CAMTA1: variants seen among roughly 807,000 people sequenced by gnomAD.
The protein encoded by CAMTA1 is calmodulin-binding transcription activator 1.
In CAMTA1, 27 loss-of-function variants were observed where a neutral mutation model predicts 170.9. That is an observed-to-expected ratio of 0.16 (90% CI 0.12 to 0.22). The LOEUF (loss-of-function observed/expected upper bound fraction) is 0.22. Ranked by LOEUF, CAMTA1 falls within the 10% of genes least tolerant of loss-of-function variation. The probability of loss-of-function intolerance (pLI) is 1.00; values close to 1 mark genes in which losing one functional copy is unlikely to be tolerated. For missense variants in CAMTA1, 1,619 were observed against 2,217.2 expected (o/e 0.73, Z 5.42); for synonymous variants, 833 against 891.5 (o/e 0.93, Z 1.17).
At chr1:7,227,054 C>T (rs145629305) in intron 4 of CAMTA1, among the ~76,000 whole-genome samples, 3 of 152,066 alleles carry the variant, frequency 2.0e-5, no homozygotes, top group African/African-American at 4.8e-5. Context: ...AGCATGGTCT[C>T]GATCTACTGA....
At chr1:7,722,002 T>C (rs1422270576) in intron 11 of CAMTA1, among the ~76,000 whole-genome samples, 5 of 152,014 alleles carry the variant, frequency 3.3e-5, no homozygotes, top group Non-Finnish European at 7.4e-5. Flanking sequence ...ACCAGGAAAA[T>C]TGATTAGATT....
intron 3 of CAMTA1, among the ~76,000 whole-genome samples, chr1:6,853,474 G>A (rs1185373352): frequency 6.6e-6 from 1 of 152,134 alleles, no homozygotes; most frequent in East Asian, 1.9e-4. Flanking sequence ...AACAGCAGTA[G>A]TAGTAGTAAA....
intron 1 of CAMTA1, among the ~76,000 whole-genome samples, chr1:6,808,988 A>G (rs1644853557): frequency 6.6e-6 from 1 of 151,464 alleles, no homozygotes; most frequent in Non-Finnish European, 1.5e-5. Context: ...TTTGGGGAGA[A>G]TGGCTGCAAA....
At chr1:7,140,322 ACT>A (rs1491124111) in intron 4 of CAMTA1, among the ~76,000 whole-genome samples, 1 of 152,188 alleles carries the variant, frequency 6.6e-6, no homozygotes, top group Non-Finnish European at 1.5e-5. Flanking sequence ...TAACATGGCA[ACT>A]TTTTTTTCCC....
At chr1:7,742,147 AC>A (rs2096823722) in intron 16 of CAMTA1, among the ~76,000 whole-genome samples, 1 of 152,060 alleles carries the variant, frequency 6.6e-6, no homozygotes, top group Non-Finnish European at 1.5e-5. Context: ...ATATATACAT[AC>A]AGTTTATCTA....
intron 3 of CAMTA1, among the ~76,000 whole-genome samples, chr1:6,928,722 A>G (rs920034130): frequency 6.6e-6 from 1 of 152,098 alleles, no homozygotes; most frequent in African/African-American, 2.4e-5. Context: ...TTCCATTATC[A>G]GGCCCGTCCT....
intron 5 of CAMTA1, among the ~76,000 whole-genome samples, chr1:7,386,522 G>A (rs551419342): frequency 2.0e-5 from 3 of 152,264 alleles, no homozygotes; most frequent in South Asian, 2.1e-4. Context: ...CCCACCCCAC[G>A]GTGGATGTTC....
Position 7,146,954 on chromosome 1 carries a change from TCAAA to T in CAMTA1, c.302+55586_302+55589del, listed in dbSNP as rs984344641. ...CACCATGTTCACACACATCACACAT[TCAAA>T]CATATGCCGTGCACACACACAGAAA... On this transcript the variant is annotated intron_variant, in intron 4 of 22. Transcript: ENST00000303635. The surrounding 1 kb of genome is among the most constrained non-coding windows in gnomAD (Gnocchi z 4.3). Among the ~76,000 whole-genome samples, 1 of 151,232 alleles carries T rather than the reference TCAAA, an allele frequency of 6.6e-6. No homozygotes were observed. Among genetic ancestry groups the T allele is most frequent in the African/African-American group, 2.4e-5 (1 of 41,076 alleles).
intron 6 of CAMTA1, among the ~76,000 whole-genome samples, chr1:7,587,714 G>A (rs1406554895): frequency 1.1e-4 from 17 of 151,946 alleles, no homozygotes; most frequent in Admixed American, 1.1e-3. Flanking sequence ...CAGACACCTG[G>A]GCTCCCCCGA....
At chr1:7,122,553 G>A (rs1008550705) in intron 4 of CAMTA1, among the ~76,000 whole-genome samples, 6 of 152,160 alleles carry the variant, frequency 3.9e-5, no homozygotes, top group African/African-American at 1.4e-4. Flanking sequence ...CACTTCGGGT[G>A]CCGTTCTGTC....
intron 3 of CAMTA1, among the ~76,000 whole-genome samples, chr1:6,860,248 C>T (rs951362117): frequency 2.0e-5 from 3 of 152,186 alleles, no homozygotes; most frequent in Admixed American, 6.5e-5. Context: ...TGGTCTTTCC[C>T]ACACCAGTAA....
intron 3 of CAMTA1, among the ~76,000 whole-genome samples, chr1:6,899,548 G>GCACACA (rs1161221003): frequency 1.2e-4 from 11 of 89,780 alleles, no homozygotes; most frequent in African/African-American, 3.5e-4. Context: ...ACGCGCACGC[G>GCACACA]CGCGCGCACA....
chr1:6,985,774 G>A (rs1278427793), intron 3 of CAMTA1, among the ~76,000 whole-genome samples: 2 of 152,226 alleles, frequency 1.3e-5, no homozygotes, highest in Non-Finnish European at 2.9e-5. Flanking sequence ...GAAGCCTTCA[G>A]ACGTGAACTA....
intron 3 of CAMTA1, among the ~76,000 whole-genome samples, chr1:6,858,969 T>C (rs1420344263): frequency 6.6e-6 from 1 of 152,214 alleles, no homozygotes; most frequent in Non-Finnish European, 1.5e-5. Context: ...CTTTTTGCCA[T>C]AGATTGCTGT....
rs1210354773 is a variant in CAMTA1, at chr1:7,356,663, GCTTGGCTCTGCAGGT to G, written c.438+107038_438+107052del. On this transcript the variant is annotated intron_variant, in intron 5 of 22. Coordinates refer to ENST00000303635, the MANE Select transcript of CAMTA1 (RefSeq NM_015215.4). ...CCCAGGGTCCCTCTAGCATGTCAGG[GCTTGGCTCTGCAGGT>G]ACCCAGCCTGCCCCATTCCTGGTGG... Among the ~76,000 whole-genome samples the G allele has an allele frequency of 5.6e-4, 86 of 152,286 alleles. 2 individuals are homozygous for G. Among genetic ancestry groups the G allele is most frequent in the African/African-American group, 2.0e-3 (84 of 41,576 alleles).
intron 6 of CAMTA1, among the ~76,000 whole-genome samples, chr1:7,587,938 G>A (rs947487577): frequency 5.9e-5 from 9 of 152,118 alleles, no homozygotes; most frequent in Admixed American, 2.0e-4. Flanking sequence ...CCCAGAACCC[G>A]CCTCCCTCGG....
At chr1:7,366,063 C>T (rs147796417) in intron 5 of CAMTA1, among the ~76,000 whole-genome samples, 13 of 152,314 alleles carry the variant, frequency 8.5e-5, no homozygotes, top group African/African-American at 3.1e-4. Flanking sequence ...TGGGACTCTG[C>T]CCGTTCTCTG....
At chr1:7,210,329 G>C (rs938153044) in intron 4 of CAMTA1, among the ~76,000 whole-genome samples, 1 of 152,074 alleles carries the variant, frequency 6.6e-6, no homozygotes, top group African/African-American at 2.4e-5. Flanking sequence ...CTGTCCTTTG[G>C]TTGGGGTTTG....
At chr1:7,361,859 T>C (rs1057367625) in intron 5 of CAMTA1, among the ~76,000 whole-genome samples, 1 of 152,222 alleles carries the variant, frequency 6.6e-6, no homozygotes, top group Admixed American at 6.5e-5. Flanking sequence ...TGAGCCTCTG[T>C]TTCCTTTCCT....
Sources: gnomAD v4.1 joint callset for allele counts (sites outside exome capture counted in the v4.1 genomes callset) on GRCh38, gnomAD v4.1.1 for gene constraint, Gnocchi (gnomAD v3.1) non-coding constraint, MANE v1.5 for transcripts, NCBI Gene and HGNC (gene_info 2026-07-23, HGNC 2026-07-21) for gene names.